Variants in PBX3 observed in about 807,000 individuals in gnomAD.
PBX3 encodes pre-B-cell leukemia transcription factor 3.
In PBX3, 14 loss-of-function variants were observed where a neutral mutation model predicts 48.5. The observed-to-expected ratio is 0.29, with a 90% CI of 0.19 to 0.45. PBX3 has a LOEUF of 0.45. Among genes scored for constraint, PBX3 ranks in the 20% least tolerant of loss-of-function variants. PBX3 has a pLI of 1.00. For synonymous variants in PBX3, 210 were observed against 200.3 expected (o/e 1.05, Z -0.41); for missense variants, 386 against 546.7 (o/e 0.71, Z 2.93).
At position 125,966,169 on chromosome 9, in the gene PBX3, G is replaced by T; in HGVS notation, c.*246G>T. 5.7e-6 allele frequency: 2 copies of T among 350,076 alleles called. No homozygotes were observed. Among genetic ancestry groups the T allele is most frequent in the South Asian group, 1.3e-4 (2 of 14,818 alleles). 21.7% of individuals were successfully genotyped at this position (350,076 alleles called of 1,614,324 possible). ...AGGCCAAGATTTAACATTGTTGACA[G>T]TCCTGTAGCTATTTTATCATAATTT... On this transcript the variant is annotated 3_prime_UTR_variant, in exon 9 of 9. Transcript: ENST00000373489.
At chr9:125,843,221 A>G (rs948808260) in intron 2 of PBX3, among the ~76,000 whole-genome samples, 1 of 152,194 alleles carries the variant, frequency 6.6e-6, no homozygotes, top group South Asian at 2.1e-4. Context: ...TCATTTACCC[A>G]TAAGAGACTG....
chr9:125,834,490 C>G (rs1048880555), intron 2 of PBX3, among the ~76,000 whole-genome samples: 4 of 151,764 alleles, frequency 2.6e-5, no homozygotes, highest in African/African-American at 9.7e-5. Flanking sequence ...CTCCACCTCC[C>G]AGGCTCAAGG....
At chr9:125,857,650 G>A (rs1184614284) in intron 2 of PBX3, among the ~76,000 whole-genome samples, 2 of 152,074 alleles carry the variant, frequency 1.3e-5, no homozygotes, top group African/African-American at 4.8e-5. Flanking sequence ...CCTATTTACA[G>A]TATTTTTGGT....
intron 2 of PBX3, among the ~76,000 whole-genome samples, chr9:125,824,533 C>G (rs1252852151): frequency 6.6e-6 from 1 of 152,150 alleles, no homozygotes. Flanking sequence ...TCTCAAAGGA[C>G]AAGATAACTC....
intron 2 of PBX3, among the ~76,000 whole-genome samples, chr9:125,798,676 C>T (rs1837853558): frequency 6.6e-6 from 1 of 151,912 alleles, no homozygotes; most frequent in Non-Finnish European, 1.5e-5. Flanking sequence ...TCTTAATTTT[C>T]TAATTATTGT....
Position 125,962,232 on chromosome 9 carries a change from G to A in PBX3, c.1122+18G>A. ...AATCACAGGTAGGAGAAATGCCCCA[G>A]TGGGGCCTTTCTAGCAGGGTAGGGT... On this transcript the variant is annotated intron_variant, in intron 7 of 8. Coordinates refer to ENST00000373489, the MANE Select transcript of PBX3 (RefSeq NM_006195.6). 1 of 1,387,800 alleles carries A rather than the reference G, an allele frequency of 7.2e-7. No homozygotes were observed. The highest frequency in any genetic ancestry group is 1.0e-6 in the Non-Finnish European group (1 of 974,434). 86.0% of individuals were successfully genotyped at this position (1,387,800 alleles called of 1,614,324 possible).
chr9:125,865,760 A>G (rs1839964022), intron 2 of PBX3, among the ~76,000 whole-genome samples: 1 of 152,234 alleles, frequency 6.6e-6, no homozygotes. Context: ...TAAAAAAGCT[A>G]AGGATTAGAA....
intron 5 of PBX3, among the ~76,000 whole-genome samples, chr9:125,942,958 G>A (rs943755446): frequency 4.6e-5 from 7 of 152,142 alleles, no homozygotes; most frequent in Non-Finnish European, 7.4e-5. Context: ...TACCATGATT[G>A]GTGTGGTGCT....
At chr9:125,809,585 C>T (rs568422287) in intron 2 of PBX3, among the ~76,000 whole-genome samples, 10 of 151,862 alleles carry the variant, frequency 6.6e-5, no homozygotes, top group African/African-American at 1.7e-4. Context: ...ACAGAAAACA[C>T]GGAAGAAAGC....
At chr9:125,872,722 T>C (rs1840155622) in intron 2 of PBX3, among the ~76,000 whole-genome samples, 1 of 151,704 alleles carries the variant, frequency 6.6e-6, no homozygotes, top group South Asian at 2.1e-4. Context: ...ATCATGCCAC[T>C]GCACTCCAGC....
chr9:125,838,035 GA>G (rs1366022577), intron 2 of PBX3, among the ~76,000 whole-genome samples: 2 of 151,684 alleles, frequency 1.3e-5, no homozygotes, highest in African/African-American at 4.8e-5. Context: ...ATACCATATG[GA>G]AAAAAAAGGT....
At chr9:125,936,826 CAT>C (rs2132533219) in intron 5 of PBX3, among the ~76,000 whole-genome samples, 1 of 152,262 alleles carries the variant, frequency 6.6e-6, no homozygotes, top group Non-Finnish European at 1.5e-5. Context: ...CTTACATAGA[CAT>C]ATATTATATA....
chr9:125,748,171 C>T, intron 1 of PBX3: 1 of 914,126 alleles, frequency 1.1e-6, no homozygotes. Context: ...AGCTGTCACC[C>T]TCCCGCTGGC....
At chr9:125,816,741 TTTTGTGTGTG>T (rs146803649) in intron 2 of PBX3, among the ~76,000 whole-genome samples, 22 of 152,258 alleles carry the variant, frequency 1.4e-4, no homozygotes, top group African/African-American at 4.6e-4. Flanking sequence ...TGTCTCTCTT[TTTTGTGTGTG>T]TTTGTGTGTG....
intron 2 of PBX3, among the ~76,000 whole-genome samples, chr9:125,800,646 A>G (rs1837913199): frequency 6.6e-6 from 1 of 151,666 alleles, no homozygotes; most frequent in South Asian, 2.1e-4. Flanking sequence ...TTTTTTTTAT[A>G]GCTTCATGGG....
At chr9:125,786,215 T>TA (rs1176949582) in intron 2 of PBX3, among the ~76,000 whole-genome samples, 1 of 152,198 alleles carries the variant, frequency 6.6e-6, no homozygotes, top group Admixed American at 6.5e-5. Context: ...TCTTTCTTTC[T>TA]AAGAGAGGAG....
intron 2 of PBX3, among the ~76,000 whole-genome samples, chr9:125,801,287 C>T (rs7872354): frequency 0.026 from 3,923 of 152,248 alleles, 68 homozygotes; most frequent in Middle Eastern, 0.051. Flanking sequence ...TTCAGGCTGC[C>T]GAATTAGGCT....
rs139984253 is a variant in PBX3, at chr9:125,920,503, G to A, written c.516+4576G>A. 1.9e-4 allele frequency among the ~76,000 whole-genome samples: 29 copies of A among 152,290 alleles called. No homozygotes were observed. The East Asian group carries it at 5.4e-3, about 28-fold the overall frequency. On this transcript the variant is annotated intron_variant, in intron 3 of 8. Coordinates refer to ENST00000373489, the MANE Select transcript of PBX3 (RefSeq NM_006195.6). ...CAAATGAAATTTGACTTCAACATTT[G>A]TTCTCAGTTAAAAAGGAAAAGATAT...
intron 5 of PBX3, chr9:125,949,425 C>A (rs1171624171): frequency 6.4e-7 from 1 of 1,550,740 alleles, no homozygotes; most frequent in Admixed American, 2.0e-5. Context: ...GTTCTGACAT[C>A]CAGCCAACTA....
Sources: gnomAD v4.1 joint callset for allele counts (sites outside exome capture counted in the v4.1 genomes callset) on GRCh38, gnomAD v4.1.1 for gene constraint, MANE v1.5 for transcripts, NCBI Gene and HGNC (gene_info 2026-07-23, HGNC 2026-07-21) for gene names.